The following SENP7 variants were observed in gnomAD, a reference collection of about 807,000 sequenced individuals.
The protein encoded by SENP7 is SUMO specific peptidase 7, also known as sentrin-specific protease 7.
A neutral mutation model predicts 141.2 loss-of-function variants in SENP7; 64 were observed. That is an observed-to-expected ratio of 0.45 (90% CI 0.37 to 0.56). The LOEUF is 0.56. Among genes scored for constraint, SENP7 ranks in the 20% least tolerant of loss-of-function variants. SENP7 has a pLI of 0.00. For missense variants in SENP7, 1,025 were observed against 1,212.2 expected, an observed-to-expected ratio of 0.85 and a Z score of 2.29; for synonymous variants, 382 against 426.4, an observed-to-expected ratio of 0.90 and a Z score of 1.28.
At position 101,480,750 on chromosome 3, in the gene SENP7, T is replaced by A. The variant is rs146816864; in HGVS notation, c.186+13123A>T. On this transcript the variant is annotated intron_variant, in intron 3 of 23. Coordinates refer to ENST00000394095, the MANE Select transcript of SENP7 (RefSeq NM_020654.5). ...ATACTCATCTGATAAGGGACTAATA[T>A]CCAGAATACACAAGGAACTCAAAAA... Among the ~76,000 whole-genome samples, 88 of 151,936 alleles carry A rather than the reference T, an allele frequency of 5.8e-4. 1 individual carries two copies. Among genetic ancestry groups the A allele is most frequent in the African/African-American group, 2.1e-3 (85 of 41,436 alleles).
intron 6 of SENP7, among the ~76,000 whole-genome samples, chr3:101,379,021 A>G (rs1218056538): frequency 5.3e-5 from 8 of 152,162 alleles, no homozygotes; most frequent in Non-Finnish European, 8.8e-5. Context: ...GTGTGGTACT[A>G]GTATAAAAAC....
intron 4 of SENP7, among the ~76,000 whole-genome samples, chr3:101,451,917 C>A (rs987336613): frequency 6.6e-6 from 1 of 152,206 alleles, no homozygotes; most frequent in Non-Finnish European, 1.5e-5. Context: ...ATGAGGAAGT[C>A]AAATTGTCCC....
At chr3:101,364,724 A>T in intron 10 of SENP7, 110 bp downstream of exon 10, 1 of 778,320 alleles carries the variant, frequency 1.3e-6, no homozygotes, top group South Asian at 2.4e-5. Flanking sequence ...ATTCAAACTA[A>T]GAAAATTTGT....
At chr3:101,388,796 T>C (rs1054183472) in intron 6 of SENP7, among the ~76,000 whole-genome samples, 5 of 144,710 alleles carry the variant, frequency 3.5e-5, no homozygotes, top group African/African-American at 1.0e-4. Context: ...TAAATAGATA[T>C]CCAGAAAAAA....
intron 4 of SENP7, among the ~76,000 whole-genome samples, chr3:101,422,411 C>T (rs1449415363): frequency 6.6e-6 from 1 of 152,098 alleles, no homozygotes; most frequent in Non-Finnish European, 1.5e-5. Flanking sequence ...TTAAAATCTA[C>T]CTTATTAAAA....
At chr3:101,389,062 T>C (rs1163629699) in intron 6 of SENP7, among the ~76,000 whole-genome samples, 1 of 152,168 alleles carries the variant, frequency 6.6e-6, no homozygotes, top group African/African-American at 2.4e-5. Context: ...AACAAAGGGA[T>C]AGAAAACATA....
At chr3:101,476,205 C>T (rs772655471) in intron 3 of SENP7, among the ~76,000 whole-genome samples, 3 of 152,042 alleles carry the variant, frequency 2.0e-5, no homozygotes, top group Non-Finnish European at 4.4e-5. Context: ...CACCCATCAA[C>T]CCGTCATCTA....
chr3:101,512,470 G>A (rs559888219), intron 1 of SENP7, among the ~76,000 whole-genome samples: 109 of 152,358 alleles, frequency 7.2e-4, no homozygotes, highest in African/African-American at 2.3e-3. Context: ...CACAACGAAA[G>A]CACGGCTTCA....
chr3:101,387,622 G>A (rs754015200), intron 6 of SENP7, among the ~76,000 whole-genome samples: 51 of 152,174 alleles, frequency 3.4e-4, no homozygotes, highest in Non-Finnish European at 4.7e-4. Context: ...GCCATCCAGA[G>A]GCCTGGGAAA....
At chr3:101,499,119 T>C (rs1372914346) in intron 2 of SENP7, among the ~76,000 whole-genome samples, 2 of 152,118 alleles carry the variant, frequency 1.3e-5, no homozygotes, top group African/African-American at 4.8e-5. Context: ...TTCTGTAACT[T>C]TTCTGTAAGT....
chr3:101,376,381 C>G (rs1210070968), intron 6 of SENP7, among the ~76,000 whole-genome samples: 1 of 151,930 alleles, frequency 6.6e-6, no homozygotes, highest in Non-Finnish European at 1.5e-5. Context: ...CTATTACAAT[C>G]TTTAAAATAC....
intron 10 of SENP7, among the ~76,000 whole-genome samples, chr3:101,364,246 A>G (rs981115046): frequency 5.3e-5 from 8 of 151,972 alleles, no homozygotes; most frequent in African/African-American, 1.9e-4. Flanking sequence ...GAAAGAAAGA[A>G]AGAAAGAAAG....
intron 4 of SENP7, among the ~76,000 whole-genome samples, chr3:101,438,069 T>C (rs1442321533): frequency 1.3e-5 from 2 of 152,114 alleles, no homozygotes; most frequent in Non-Finnish European, 1.5e-5. Flanking sequence ...AAAAATATCA[T>C]TACTATAAGA....
At chr3:101,483,839 T>A (rs987513610) in intron 3 of SENP7, among the ~76,000 whole-genome samples, 2 of 152,118 alleles carry the variant, frequency 1.3e-5, no homozygotes, top group Admixed American at 1.3e-4. Context: ...CTGGCCAACA[T>A]GGTGAAACCT....
In SENP7 at chr3:101,508,773, C is replaced by A. The variant is rs528657032; in HGVS notation, c.40+4318G>T. ...TTTAAGTAAAATTAAACTCATTTTTCTTCCAAACTCTTGCTCTTGTAATGC... is the reference window on the plus strand; with the variant it reads ...TTTAAGTAAAATTAAACTCATTTTTATTCCAAACTCTTGCTCTTGTAATGC... On this transcript the variant is annotated intron_variant, in intron 1 of 23. Transcript: ENST00000394095. Among the ~76,000 whole-genome samples, 10 of 152,192 alleles carry A rather than the reference C, an allele frequency of 6.6e-5. No homozygotes were observed. The East Asian group carries it at 1.9e-3, about 29-fold the overall frequency.
chr3:101,379,491 C>CA lies in SENP7; in HGVS notation c.678-7366dup, dbSNP rs1158832341. 1.6e-4 allele frequency among the ~76,000 whole-genome samples: 24 copies of CA among 151,750 alleles called. No homozygotes were observed. The East Asian group carries it at 3.3e-3, about 21-fold the overall frequency. ...ATATATAAAGAAATCCTACAACTTA[C>CA]AAAAAAAATCCAATTCAAAAGCAGG... is the stretch of plus-strand genomic sequence containing the variant. On this transcript the variant is annotated intron_variant, in intron 6 of 23. Transcript: ENST00000394095.
intron 3 of SENP7, among the ~76,000 whole-genome samples, chr3:101,474,081 C>T (rs1011634084): frequency 1.3e-5 from 2 of 151,136 alleles, no homozygotes; most frequent in Non-Finnish European, 3.0e-5. Flanking sequence ...TATTCTGTTC[C>T]ATTGGTCAGT....
chr3:101,406,738 A>G (rs1257700024), intron 5 of SENP7, among the ~76,000 whole-genome samples: 1 of 152,322 alleles, frequency 6.6e-6, no homozygotes, highest in Admixed American at 6.5e-5. Flanking sequence ...AAAATTCATC[A>G]CAAAAAGATC....
rs375607564 is a variant in SENP7 at position 101,504,776 on chromosome 3, T to C, written c.41-3657A>G. On this transcript the variant is annotated intron_variant, in intron 1 of 23. Transcript: ENST00000394095. ...GCTCACACCTATAATCCCAACACTT[T>C]GGGAGGCCAAGGCAGGATGACTGCT... 2.4e-4 allele frequency among the ~76,000 whole-genome samples: 37 copies of C among 152,306 alleles called. No homozygotes were observed. The East Asian group carries it at 5.0e-3, about 21-fold the overall frequency.
Sources: gnomAD v4.1 joint callset for allele counts (sites outside exome capture counted in the v4.1 genomes callset) on GRCh38, gnomAD v4.1.1 for gene constraint, MANE v1.5 for transcripts, NCBI Gene and HGNC (gene_info 2026-07-23, HGNC 2026-07-21) for gene names.